Variants in ARHGAP15 observed in about 807,000 individuals in gnomAD.
ARHGAP15 encodes Rho GTPase activating protein 15, also known as rho GTPase-activating protein 15.
In ARHGAP15, 51 loss-of-function variants were observed where a neutral mutation model predicts 63.7. The observed-to-expected ratio is 0.80, with a 90% CI of 0.64 to 1.01. The LOEUF is 1.01. Among genes scored for constraint, ARHGAP15 ranks in the 50% least tolerant of loss-of-function variants. ARHGAP15 has a pLI of 0.00. For missense variants in ARHGAP15, 560 were observed against 564.6 expected (o/e 0.99, Z 0.08); for synonymous variants, 191 against 193.8 (o/e 0.99, Z 0.12).
chr2:143,516,407 C>T (rs1388993687), intron 9 of ARHGAP15, among the ~76,000 whole-genome samples: 1 of 152,144 alleles, frequency 6.6e-6, no homozygotes, highest in African/African-American at 2.4e-5. Context: ...AACATACACA[C>T]ACTGCACACC....
intron 2 of ARHGAP15, among the ~76,000 whole-genome samples, chr2:143,188,596 G>T (rs1231824513): frequency 6.8e-6 from 1 of 146,884 alleles, no homozygotes; most frequent in Non-Finnish European, 1.5e-5. Context: ...CTGTGTTCCT[G>T]TGCCTTATTA....
At chr2:143,182,966 A>G (rs1431038415) in intron 2 of ARHGAP15, among the ~76,000 whole-genome samples, 1 of 152,216 alleles carries the variant, frequency 6.6e-6, no homozygotes, top group Admixed American at 6.5e-5. Flanking sequence ...ACCAAAGGCC[A>G]GCTGCCAGGA....
At chr2:143,182,396 A>G (rs1460809259) in intron 2 of ARHGAP15, among the ~76,000 whole-genome samples, 1 of 152,188 alleles carries the variant, frequency 6.6e-6, no homozygotes, top group Non-Finnish European at 1.5e-5. Flanking sequence ...CAGTCAGAAC[A>G]CACACAATGA....
chr2:143,408,815 A>C (rs1688323170), intron 6 of ARHGAP15, among the ~76,000 whole-genome samples: 1 of 151,826 alleles, frequency 6.6e-6, no homozygotes, highest in South Asian at 2.1e-4. Flanking sequence ...ACTTCAGTAT[A>C]ATTAAATTAA....
chr2:143,221,695 G>C (rs953112912), intron 4 of ARHGAP15, among the ~76,000 whole-genome samples: 3 of 152,146 alleles, frequency 2.0e-5, no homozygotes, highest in Non-Finnish European at 2.9e-5. Context: ...TCGGCATCTA[G>C]GTCTTCCCGT....
intron 13 of ARHGAP15, among the ~76,000 whole-genome samples, chr2:143,711,179 C>T (rs1449731905): frequency 6.6e-6 from 1 of 152,162 alleles, no homozygotes; most frequent in East Asian, 1.9e-4. Context: ...AAATATTTAC[C>T]ATCTGACCCT....
intron 3 of ARHGAP15, among the ~76,000 whole-genome samples, chr2:143,213,454 G>A (rs533796008): frequency 7.2e-5 from 11 of 152,174 alleles, no homozygotes; most frequent in East Asian, 3.9e-4. Context: ...CAGAGATTGC[G>A]GTGAGCCGAG....
In ARHGAP15 at chr2:143,271,546, T is replaced by G. The variant is rs143891742; in HGVS notation, c.474+20946T>G. ...GCTTGAGTGCAGTGGCGCGATCTCG[T>G]CTCACTGCAAGCTCCGCTTCCCGGG... On this transcript the variant is annotated intron_variant, in intron 6 of 13. Coordinates refer to ENST00000295095, the MANE Select transcript of ARHGAP15 (RefSeq NM_018460.4). Among the ~76,000 whole-genome samples, 78 of 152,286 alleles carry G rather than the reference T, an allele frequency of 5.1e-4. No individual in the cohort carries two copies. The East Asian group carries it at 0.014, about 28-fold the overall frequency.
At chr2:143,187,417 G>A (rs1260799273) in intron 2 of ARHGAP15, among the ~76,000 whole-genome samples, 1 of 152,190 alleles carries the variant, frequency 6.6e-6, no homozygotes, top group East Asian at 1.9e-4. Context: ...ACTTTAAAAA[G>A]GTATTGTTTG....
intron 9 of ARHGAP15, among the ~76,000 whole-genome samples, chr2:143,493,011 A>G (rs2105239628): frequency 6.8e-6 from 1 of 147,818 alleles, no homozygotes; most frequent in Non-Finnish European, 1.5e-5. Context: ...TGAGCCGAGA[A>G]TACGCCACTG....
intron 11 of ARHGAP15, among the ~76,000 whole-genome samples, chr2:143,582,444 AACTC>A (rs929288430): frequency 3.3e-5 from 5 of 152,270 alleles, no homozygotes; most frequent in Admixed American, 1.3e-4. Context: ...AGAATTATTC[AACTC>A]ACTCTGTGGG....
chr2:143,425,536 A>T (rs1689107003), intron 6 of ARHGAP15, among the ~76,000 whole-genome samples: 1 of 152,078 alleles, frequency 6.6e-6, no homozygotes, highest in South Asian at 2.1e-4. Flanking sequence ...ATGTTTTGTA[A>T]ACCACTAACT....
At chr2:143,141,834 A>G (rs1689379552) in intron 1 of ARHGAP15, among the ~76,000 whole-genome samples, 1 of 152,146 alleles carries the variant, frequency 6.6e-6, no homozygotes, top group South Asian at 2.1e-4. Flanking sequence ...TTCAACCCAT[A>G]CATCAGAGGA....
intron 12 of ARHGAP15, among the ~76,000 whole-genome samples, chr2:143,632,496 T>C (rs1313700600): frequency 5.3e-5 from 8 of 152,076 alleles, no homozygotes; most frequent in Non-Finnish European, 1.2e-4. Context: ...TTTAAATGCC[T>C]GGTTTTTTTT....
intron 13 of ARHGAP15, among the ~76,000 whole-genome samples, chr2:143,738,157 A>G (rs1305635660): frequency 6.6e-6 from 1 of 152,096 alleles, no homozygotes; most frequent in Non-Finnish European, 1.5e-5. Flanking sequence ...AGTTTTAAAT[A>G]ATATTCACTA....
intron 13 of ARHGAP15, among the ~76,000 whole-genome samples, chr2:143,739,151 G>A (rs1685866870): frequency 6.6e-6 from 1 of 152,126 alleles, no homozygotes; most frequent in African/African-American, 2.4e-5. Flanking sequence ...ATCTTGGAAG[G>A]CTCTGTGACC....
At chr2:143,511,656 AG>A (rs1488243264) in intron 9 of ARHGAP15, among the ~76,000 whole-genome samples, 2 of 152,286 alleles carry the variant, frequency 1.3e-5, no homozygotes, top group Admixed American at 6.5e-5. Flanking sequence ...ATGAGCATTT[AG>A]GGGACAAAGT....
rs370877231 is a variant in ARHGAP15, at chr2:143,556,392, G to A, written c.926-16G>A. 70 of 1,580,510 alleles carry A rather than the reference G, an allele frequency of 4.4e-5. No homozygotes were observed. Among genetic ancestry groups the A allele is most frequent in the Non-Finnish European group, 4.7e-5 (55 of 1,159,188 alleles). On this transcript the variant is annotated splice_polypyrimidine_tract_variant and intron_variant, in intron 10 of 13. Coordinates refer to ENST00000295095, the MANE Select transcript of ARHGAP15 (RefSeq NM_018460.4). ...TCCTATATGTGCTAATATAAAATATGCCCTTTTGTCTTCAGGTCTAGATGT... is the reference window on the plus strand; with the variant it reads ...TCCTATATGTGCTAATATAAAATATACCCTTTTGTCTTCAGGTCTAGATGT...
rs539617078 is a variant in ARHGAP15, at chr2:143,691,016, A to C, written c.1139-12403A>C. Among the ~76,000 whole-genome samples, 11 of 152,320 alleles carry C rather than the reference A, an allele frequency of 7.2e-5. 1 individual carries two copies. In the East Asian group the frequency reaches 1.7e-3, roughly 24 times the overall value. On this transcript the variant is annotated intron_variant, in intron 12 of 13. Coordinates refer to ENST00000295095, the MANE Select transcript of ARHGAP15 (RefSeq NM_018460.4). ...ATTAGCAAATGAAATTATAGCAAGAAATGTTGAGGTTAGGACAGCGGACGG... is the reference window on the plus strand; with the variant it reads ...ATTAGCAAATGAAATTATAGCAAGACATGTTGAGGTTAGGACAGCGGACGG...
Sources: gnomAD v4.1 joint callset for allele counts (sites outside exome capture counted in the v4.1 genomes callset) on GRCh38, gnomAD v4.1.1 for gene constraint, MANE v1.5 for transcripts, NCBI Gene and HGNC (gene_info 2026-07-23, HGNC 2026-07-21) for gene names.